The following GNG10 variants were observed in gnomAD, a reference collection of about 807,000 sequenced individuals.
GNG10 encodes G protein subunit gamma 10.
A neutral mutation model predicts 6.8 loss-of-function variants in GNG10; 7 were observed. That is an observed-to-expected ratio of 1.02 (90% CI 0.58 to 1.92). The LOEUF (loss-of-function observed/expected upper bound fraction) is 1.92. GNG10 is among the 30% of genes most tolerant of loss of function. The pLI is 0.00. For synonymous variants in GNG10, 28 were observed against 34.8 expected (o/e 0.80, Z 0.69); for missense variants, 57 against 86.1 (o/e 0.66, Z 1.34).
chr9:111,666,815 GTC>G lies in GNG10; in HGVS notation c.87_88del (p.Gln30GlyfsTer27). ...KLEAGVERIKVSQAAAELQQY... is the reference protein window; with the variant it reads ...KLEAGVERIKXSQAAAELQQY... ...CCATGTTGCTGTCCCTTTGTTTCAG[GTC>G]TCTCAGGCAGCTGCAGAGCTTCAAC... On this transcript the variant is annotated frameshift_variant and splice_region_variant, in exon 2 of 3. Transcript: ENST00000374293. LOFTEE classifies it high-confidence loss of function. 6.2e-7 allele frequency: 1 copy of G among 1,612,258 alleles called. No individual in the cohort carries two copies. Among genetic ancestry groups the G allele is most frequent in the East Asian group, 2.2e-5 (1 of 44,878 alleles).
intron 2 of GNG10, among the ~76,000 whole-genome samples, chr9:111,667,269 AC>A (rs1830917832): frequency 6.6e-6 from 1 of 151,878 alleles, no homozygotes; most frequent in Middle Eastern, 3.2e-3. Context: ...TCGCTCTGTC[AC>A]CCAGGCTGGA....
At chr9:111,668,085 C>T (rs1054699850) in intron 2 of GNG10, among the ~76,000 whole-genome samples, 1 of 152,120 alleles carries the variant, frequency 6.6e-6, no homozygotes, top group Admixed American at 6.5e-5. Context: ...CTTGAATTGG[C>T]TGGTCTCAAA....
intron 1 of GNG10, among the ~76,000 whole-genome samples, chr9:111,665,869 G>C (rs984908657): frequency 1.3e-5 from 2 of 151,228 alleles, no homozygotes; most frequent in Non-Finnish European, 2.9e-5. Context: ...TGGGATTACA[G>C]GTGCACGCCA....
chr9:111,662,362 C>T (rs1258956203), intron 1 of GNG10, among the ~76,000 whole-genome samples: 5 of 151,890 alleles, frequency 3.3e-5, no homozygotes, highest in Non-Finnish European at 5.9e-5. Flanking sequence ...GCCTGGGACC[C>T]GGGGACCAGC....
intron 1 of GNG10, among the ~76,000 whole-genome samples, chr9:111,665,530 G>A (rs570427687): frequency 6.6e-6 from 1 of 152,254 alleles, no homozygotes; most frequent in East Asian, 1.9e-4. Context: ...TCTGCAGGTT[G>A]ATAGGCAGGT....
intron 1 of GNG10, among the ~76,000 whole-genome samples, chr9:111,663,060 C>T (rs938716458): frequency 1.3e-5 from 2 of 151,988 alleles, no homozygotes; most frequent in African/African-American, 4.8e-5. Flanking sequence ...GCTTCTGAGA[C>T]AGGAAGAAAG....
intron 2 of GNG10, among the ~76,000 whole-genome samples, chr9:111,668,684 C>G (rs944669093): frequency 2.0e-5 from 3 of 151,794 alleles, no homozygotes; most frequent in African/African-American, 4.8e-5. Context: ...GAGGTTTCAC[C>G]GTATTGCTCA....
At chr9:111,665,791 A>T (rs555139031) in intron 1 of GNG10, among the ~76,000 whole-genome samples, 1 of 151,246 alleles carries the variant, frequency 6.6e-6, no homozygotes, top group African/African-American at 2.4e-5. Flanking sequence ...CAATGGTGCG[A>T]TCTCGGCTCA....
Position 111,661,999 on chromosome 9 carries a change from G to A in GNG10, c.81+284G>A, listed in dbSNP as rs574715774. ...GCGGCCGTGGTCAGTTCCTCGGAGGGCGCAAGGGATGCCGGCGACGCGCGG... is the reference window on the plus strand; with the variant it reads ...GCGGCCGTGGTCAGTTCCTCGGAGGACGCAAGGGATGCCGGCGACGCGCGG... On this transcript the variant is annotated intron_variant, in intron 1 of 2. Transcript: ENST00000374293. This position sits in a 1 kb window ranked among gnomAD's most constrained non-coding sequence, Gnocchi z 6.1. Among the ~76,000 whole-genome samples the A allele has an allele frequency of 2.6e-4, 40 of 152,186 alleles. No homozygotes were observed. The East Asian group carries it at 7.6e-3, about 29-fold the overall frequency.
chr9:111,664,654 C>G (rs1830872227), intron 1 of GNG10, among the ~76,000 whole-genome samples: 1 of 152,186 alleles, frequency 6.6e-6, no homozygotes, highest in Non-Finnish European at 1.5e-5. Context: ...TCCCAGCCCA[C>G]AGCCTCTCTC....
intron 2 of GNG10, 56 bp downstream of exon 2, chr9:111,667,002 C>T: frequency 2.5e-6 from 4 of 1,583,716 alleles, no homozygotes; most frequent in Middle Eastern, 1.7e-4. Context: ...CAGGGCTTCC[C>T]AAAGGACTTG....
intron 2 of GNG10, among the ~76,000 whole-genome samples, chr9:111,668,681 C>A (rs1830948410): frequency 6.6e-6 from 1 of 151,914 alleles, no homozygotes; most frequent in African/African-American, 2.4e-5. Context: ...GATGAGGTTT[C>A]ACCGTATTGC....
At chr9:111,668,933 C>A (rs1049810618) in intron 2 of GNG10, among the ~76,000 whole-genome samples, 2 of 151,832 alleles carry the variant, frequency 1.3e-5, no homozygotes, top group Admixed American at 1.3e-4. Flanking sequence ...CTCAGCTCAC[C>A]ACAACCTCTG....
intron 2 of GNG10, among the ~76,000 whole-genome samples, chr9:111,667,195 T>C (rs747390202): frequency 6.6e-6 from 1 of 152,134 alleles, no homozygotes; most frequent in Non-Finnish European, 1.5e-5. Flanking sequence ...CTTCTGTACT[T>C]GAGCTCTTTG....
chr9:111,667,414 G>A (rs1201544888), intron 2 of GNG10, among the ~76,000 whole-genome samples: 1 of 152,016 alleles, frequency 6.6e-6, no homozygotes, highest in Non-Finnish European at 1.5e-5. Flanking sequence ...ATTTTTAATA[G>A]AGATGGGGTT....
chr9:111,664,980 T>G (rs12339017), intron 1 of GNG10, among the ~76,000 whole-genome samples: 13,402 of 152,316 alleles, frequency 0.088, 840 homozygotes, highest in Non-Finnish European at 0.14. Flanking sequence ...AAGCAAACTT[T>G]AGCATTAGCC....
At chr9:111,663,991 C>CTTTTTTTTT (rs568835533) in intron 1 of GNG10, among the ~76,000 whole-genome samples, 1 of 135,962 alleles carries the variant, frequency 7.4e-6, no homozygotes. Flanking sequence ...CACTAATTGG[C>CTTTTTTTTT]TTTTTTTTTT....
At chr9:111,666,510 G>A (rs1319218195) in intron 1 of GNG10, among the ~76,000 whole-genome samples, 1 of 152,238 alleles carries the variant, frequency 6.6e-6, no homozygotes, top group Non-Finnish European at 1.5e-5. Flanking sequence ...TAAAGGGAAT[G>A]CTAGAATGAG....
intron 2 of GNG10, among the ~76,000 whole-genome samples, chr9:111,667,826 C>T (rs1050876045): frequency 2.6e-5 from 4 of 152,108 alleles, no homozygotes; most frequent in African/African-American, 9.7e-5. Flanking sequence ...TTCTTGGGTT[C>T]GAATGCTTTG....
Sources: allele counts gnomAD v4.1 joint callset (sites outside exome capture counted in the v4.1 genomes callset), GRCh38; gene constraint gnomAD v4.1.1; non-coding constraint Gnocchi (gnomAD v3.1); transcripts MANE v1.5; gene names NCBI Gene and HGNC (gene_info 2026-07-23, HGNC 2026-07-21).